The following NAV2 variants were observed in gnomAD, a reference collection of about 807,000 sequenced individuals.
NAV2 encodes the protein helicase, APC down-regulated 1.
NAV2 carries 54 observed loss-of-function variants against 223.2 expected under a neutral mutation model. The observed-to-expected ratio is 0.24, with a 90% CI of 0.19 to 0.30. NAV2 has a LOEUF of 0.30. Among genes scored for constraint, NAV2 ranks in the 10% least tolerant of loss-of-function variants. The pLI is 1.00. For missense variants in NAV2, 2,806 were observed against 3,147.5 expected, an observed-to-expected ratio of 0.89 and a Z score of 2.60; for synonymous variants, 1,279 against 1,239.3, an observed-to-expected ratio of 1.03 and a Z score of -0.67.
chr11:19,729,383 G>T (rs988264057), intron 1 of NAV2, among the ~76,000 whole-genome samples: 1 of 152,164 alleles, frequency 6.6e-6, no homozygotes, highest in South Asian at 2.1e-4. Flanking sequence ...GCTGCCATTG[G>T]CAGGAGATGC....
chr11:20,036,322 C>T (rs776948157), intron 12 of NAV2, among the ~76,000 whole-genome samples: 25 of 152,208 alleles, frequency 1.6e-4, no homozygotes, highest in Non-Finnish European at 2.4e-4. Context: ...GCTTCACCAC[C>T]CTCACTGTGT....
intron 1 of NAV2, among the ~76,000 whole-genome samples, chr11:19,641,638 C>T (rs147019518): frequency 1.3e-5 from 2 of 151,890 alleles, no homozygotes; most frequent in Non-Finnish European, 1.5e-5. Flanking sequence ...ACACAGTGAG[C>T]GCTCACCTTC....
chr11:19,593,132 C>T (rs7931514), intron 1 of NAV2, among the ~76,000 whole-genome samples: 26,569 of 152,056 alleles, frequency 0.17, 2,938 homozygotes, highest in African/African-American at 0.31. Flanking sequence ...CCTTCAGAGT[C>T]ATACCCACCC....
At chr11:20,096,872 G>T (rs1323457141) in intron 30 of NAV2, among the ~76,000 whole-genome samples, 1 of 152,176 alleles carries the variant, frequency 6.6e-6, no homozygotes, top group Non-Finnish European at 1.5e-5. Flanking sequence ...CTCTGGTGAT[G>T]GACAGTTGGG....
chr11:19,479,910 C>G (rs748125318), intron 1 of NAV2, among the ~76,000 whole-genome samples: 1 of 152,194 alleles, frequency 6.6e-6, no homozygotes, highest in Non-Finnish European at 1.5e-5. Context: ...CTAGAGGGCT[C>G]ATGCTGTAGG....
At chr11:19,686,259 G>A (rs542881148) in intron 1 of NAV2, among the ~76,000 whole-genome samples, 6 of 152,210 alleles carry the variant, frequency 3.9e-5, no homozygotes, top group African/African-American at 1.4e-4. Context: ...ATGTTCCCTT[G>A]CTTTTCCTTT....
intron 3 of NAV2, among the ~76,000 whole-genome samples, chr11:19,848,098 A>G (rs1009165145): frequency 6.6e-6 from 1 of 152,206 alleles, no homozygotes; most frequent in Non-Finnish European, 1.5e-5. Flanking sequence ...CCTGCTGCAT[A>G]GAGCACAGCC....
chr11:19,717,549 G>A (rs2050402294), intron 1 of NAV2, among the ~76,000 whole-genome samples: 1 of 152,234 alleles, frequency 6.6e-6, no homozygotes, highest in African/African-American at 2.4e-5. Context: ...GTGGTACCGA[G>A]CAGTTGATGT....
At position 20,048,911 on chromosome 11, in the gene NAV2, C is replaced by T; in HGVS notation, c.4086C>T (p.Leu1362=). The T allele has an allele frequency of 6.2e-7, 1 of 1,614,206 alleles. No individual in the cohort carries two copies. The highest frequency in any genetic ancestry group is 8.5e-7 in the Non-Finnish European group (1 of 1,180,036). ...CTCTCTACAGCAAGAATGTGGACCT[C>T]AACCAGTCTCCGCTAGCCTCCAGCC... is the stretch of plus-strand genomic sequence containing the variant. ...SSPLYSKNVD[L]NQSPLASSPS... Residue 1362 remains leucine (L), a synonymous_variant, in exon 15 of 38, where the codon CTC becomes CTT. Coordinates refer to ENST00000349880, the MANE Select transcript of NAV2 (RefSeq NM_145117.5).
In NAV2 at chr11:20,075,316, C is replaced by T. The variant is rs377287774; in HGVS notation, c.4984-2236C>T. On this transcript the variant is annotated intron_variant, in intron 22 of 37. Transcript: ENST00000349880. Reference sequence around the variant, plus strand: ...TTGGCTCACTGCAAGCTCCGCCTCCCGGGTTCACGCCATTCTCCTGCCTCA... The same window carrying T: ...TTGGCTCACTGCAAGCTCCGCCTCCTGGGTTCACGCCATTCTCCTGCCTCA... Among the ~76,000 whole-genome samples the T allele has an allele frequency of 2.0e-3, 311 of 151,988 alleles. 2 individuals carry two copies. The highest frequency in any genetic ancestry group is 7.0e-3 in the African/African-American group (289 of 41,424).
intron 1 of NAV2, among the ~76,000 whole-genome samples, chr11:19,790,769 A>G (rs2057460656): frequency 6.6e-6 from 1 of 152,206 alleles, no homozygotes; most frequent in Non-Finnish European, 1.5e-5. Flanking sequence ...CCAGCACATC[A>G]TGCAACACCA....
upstream of NAV2, among the ~76,000 whole-genome samples, chr11:19,349,209 G>A (rs560415399): frequency 1.3e-5 from 2 of 152,352 alleles, no homozygotes; most frequent in South Asian, 2.1e-4. Flanking sequence ...TTCACTTGCA[G>A]AAATCTGTTC....
At chr11:19,924,309 AAAC>A (rs1195950614) in intron 6 of NAV2, among the ~76,000 whole-genome samples, 5 of 152,164 alleles carry the variant, frequency 3.3e-5, no homozygotes, top group African/African-American at 1.2e-4. Flanking sequence ...AAAAAAAAAA[AAAC>A]AAAAAAAAAC....
intron 31 of NAV2, among the ~76,000 whole-genome samples, chr11:20,100,546 G>GGTGTGTGTGTGTGTGTGT (rs59857072): frequency 7.1e-6 from 1 of 141,764 alleles, no homozygotes; most frequent in Non-Finnish European, 1.5e-5. Flanking sequence ...ATACTAGAGG[G>GGTGTGTGTGTGTGTGTGT]GTGTGTGTGT....
At chr11:20,034,548 T>A (rs1258746020) in intron 11 of NAV2, among the ~76,000 whole-genome samples, 1 of 152,012 alleles carries the variant, frequency 6.6e-6, no homozygotes, top group Non-Finnish European at 1.5e-5. Context: ...CCCGGCTAAT[T>A]TTTGTGTACT....
rs1565517907 is a variant in NAV2, at chr11:19,897,889, TA to T, written c.931+5296del. On this transcript the variant is annotated intron_variant, in intron 6 of 37. Coordinates refer to ENST00000349880, the MANE Select transcript of NAV2 (RefSeq NM_145117.5). ...ACAGCTGTGCCTGACCTGTGATTTA[TA>T]TATATATATATATATGTGAGCAGAT... 8.4e-5 allele frequency among the ~76,000 whole-genome samples: 12 copies of T among 142,498 alleles called. 1 individual carries two copies. Among genetic ancestry groups the T allele is most frequent in the East Asian group, 6.8e-4 (3 of 4,406 alleles). 93.5% of individuals were successfully genotyped at this position (142,498 alleles called of 152,430 possible). A position where few individuals can be genotyped will look rare whatever the true frequency, so the allele number is the denominator to read the frequency against.
chr11:19,604,458 G>A (rs374299279), intron 1 of NAV2, among the ~76,000 whole-genome samples: 28 of 152,274 alleles, frequency 1.8e-4, no homozygotes, highest in African/African-American at 6.3e-4. Flanking sequence ...GAAGGATGGA[G>A]TTGTCATTTA....
At chr11:19,674,055 C>A (rs1047189231) in intron 1 of NAV2, among the ~76,000 whole-genome samples, 2 of 152,204 alleles carry the variant, frequency 1.3e-5, no homozygotes, top group African/African-American at 4.8e-5. Context: ...GCAGCGTGGG[C>A]CGTCGTCAGT....
intron 1 of NAV2, among the ~76,000 whole-genome samples, chr11:19,524,529 C>T (rs988530373): frequency 6.6e-6 from 1 of 152,128 alleles, no homozygotes; most frequent in African/African-American, 2.4e-5. Context: ...GCAGGGCAGG[C>T]ACGTCTGGCA....
Sources: gnomAD v4.1 joint callset for allele counts (sites outside exome capture counted in the v4.1 genomes callset) on GRCh38, gnomAD v4.1.1 for gene constraint, MANE v1.5 for transcripts, NCBI Gene and HGNC (gene_info 2026-07-23, HGNC 2026-07-21) for gene names.